Variants in TCP10L observed in about 807,000 individuals in gnomAD.
TCP10L encodes the protein t-complex 10 like, also known as T-complex protein 10A homolog 1.
In TCP10L, 11 loss-of-function variants were observed where a neutral mutation model predicts 19.2. The observed-to-expected ratio is 0.57, with a 90% CI of 0.36 to 0.95. The LOEUF (loss-of-function observed/expected upper bound fraction) is 0.95, where lower values mean the gene tolerates loss of function less well. TCP10L is among the 40% of genes least tolerant of loss of function. TCP10L has a pLI of 0.01. For synonymous variants in TCP10L, 96 were observed against 97.2 expected (o/e 0.99, Z 0.07); for missense variants, 247 against 263.9 (o/e 0.94, Z 0.44).
At chr21:32,579,771 T>C (rs980635185) in intron 3 of TCP10L, among the ~76,000 whole-genome samples, 2 of 152,196 alleles carry the variant, frequency 1.3e-5, no homozygotes, top group Admixed American at 6.5e-5. Flanking sequence ...GTAGATACTA[T>C]TTTTTAGGAA....
At position 32,582,197 on chromosome 21, in the gene TCP10L, T is replaced by A. The variant is rs752308612; in HGVS notation, c.360+3A>T. 2 of 1,613,768 alleles carry A rather than the reference T, an allele frequency of 1.2e-6. No homozygotes were observed. Among genetic ancestry groups the A allele is most frequent in the Non-Finnish European group, 1.7e-6 (2 of 1,179,928 alleles). On this transcript the variant is annotated splice_donor_region_variant and intron_variant, in intron 3 of 4. Transcript: ENST00000300258. This position sits in a 1 kb window ranked among gnomAD's most constrained non-coding sequence, Gnocchi z 4.2. ...TACAAAAACATAAATGCGCTTTTGGTACCAGAGTGTGCGATTCTTGCCCCG... is the reference window on the plus strand; with the variant it reads ...TACAAAAACATAAATGCGCTTTTGGAACCAGAGTGTGCGATTCTTGCCCCG...
intron 1 of TCP10L, among the ~76,000 whole-genome samples, chr21:32,585,201 G>A (rs1369173978): frequency 6.6e-6 from 1 of 152,198 alleles, no homozygotes; most frequent in Non-Finnish European, 1.5e-5. Flanking sequence ...TCTAGAGCAA[G>A]ACCTACCAGT....
Position 32,578,449 on chromosome 21 carries a change from C to T in TCP10L, c.498+245G>A, listed in dbSNP as rs1396719023. Among the ~76,000 whole-genome samples the T allele has an allele frequency of 2.0e-5, 3 of 152,250 alleles. No individual in the cohort carries two copies. The highest frequency in any genetic ancestry group is 4.8e-5 in the African/African-American group (2 of 41,466). ...CCCCTCGGCCCCAGCCAGACGCTTG[C>T]TGCTGTGAGTGTACTCAGAGGGAAG... On this transcript the variant is annotated intron_variant, in intron 4 of 4. Transcript: ENST00000300258. The surrounding 1 kb of genome is among the most constrained non-coding windows in gnomAD (Gnocchi z 4.2).
Position 32,576,803 on chromosome 21 carries a change from GAGT to G in TCP10L, c.616_618del (p.Thr206del). 6.2e-7 allele frequency: 1 copy of G among 1,614,080 alleles called. No individual in the cohort carries two copies. Among genetic ancestry groups the G allele is most frequent in the South Asian group, 1.1e-5 (1 of 91,022 alleles). On this transcript the variant is annotated inframe_deletion, in exon 5 of 5. Coordinates refer to ENST00000300258, the MANE Select transcript of TCP10L (RefSeq NM_144659.7). ...ACACCCCCCCGTCTCTCTGCACAGG[GAGT>G]TGGCCTTCCAGTAGGTGTTGCTCTT... is the stretch of plus-strand genomic sequence containing the variant.
rs1601120320 is a variant in TCP10L, at chr21:32,576,470, T to G, written c.*304A>C. 3.1e-6 allele frequency: 2 copies of G among 641,770 alleles called. No individual in the cohort carries two copies. The highest frequency in any genetic ancestry group is 4.4e-5 in the South Asian group (2 of 45,496). The allele number at this position is 641,770 out of a possible 1,614,324, so 39.8% of individuals were successfully genotyped here. On this transcript the variant is annotated 3_prime_UTR_variant, in exon 5 of 5. Transcript: ENST00000300258. The stretch of plus-strand genomic sequence containing the variant: ...CAGGGCTCACCCAACAGCCCGACAC[T>G]CCATACTACAAGGTGGGTTAATTTT...
In TCP10L at chr21:32,582,088, C is replaced by T; in HGVS notation, c.360+112G>A. The T allele has an allele frequency of 8.1e-7, 1 of 1,240,404 alleles. No individual in the cohort carries two copies. The highest frequency in any genetic ancestry group is 1.4e-5 in the South Asian group (1 of 69,818). The allele number at this position is 1,240,404 out of a possible 1,614,324, so 76.8% of individuals were successfully genotyped here. The stretch of plus-strand genomic sequence containing the variant: ...ATGGAAAGATAGCAACCCCTCCCAC[C>T]ACCCGGAGCGTGAGTGATACCGCGT... On this transcript the variant is annotated intron_variant, in intron 3 of 4. Coordinates refer to ENST00000300258, the MANE Select transcript of TCP10L (RefSeq NM_144659.7). This position sits in a 1 kb window ranked among gnomAD's most constrained non-coding sequence, Gnocchi z 4.2.
At chr21:32,584,408 C>G in intron 1 of TCP10L, 103 bp from the exon 2 acceptor site, 1 of 1,444,546 alleles carries the variant, frequency 6.9e-7, no homozygotes, top group East Asian at 2.5e-5. Flanking sequence ...GAGCAGGACC[C>G]GCAGCCGCTC....
chr21:32,584,339 G>A (rs1229422713), intron 1 of TCP10L, 34 bp from the exon 2 acceptor site: 1 of 1,600,878 alleles, frequency 6.2e-7, no homozygotes, highest in East Asian at 2.2e-5. Flanking sequence ...GGGGACACTT[G>A]AATGCAGCCC....
At chr21:32,584,607 T>A (rs1340700826) in intron 1 of TCP10L, among the ~76,000 whole-genome samples, 1 of 151,732 alleles carries the variant, frequency 6.6e-6, no homozygotes, top group Non-Finnish European at 1.5e-5. Context: ...GTGAGTGGGG[T>A]GTGAGCCGGT....
chr21:32,576,786 C>G lies in TCP10L; in HGVS notation c.636G>C (p.Arg212=). ...CACCTTTCCATCTTCAGACACCCCC[C>G]CGTCTCTCTGCACAGGGAGTTGGCC... is the stretch of plus-strand genomic sequence containing the variant. ...TGRPTPCAER[R]GGV The change falls in exon 5 of 5, where the codon CGG becomes CGC. Residue 212 remains arginine (R), a synonymous_variant. Transcript: ENST00000300258. 6.2e-7 allele frequency: 1 copy of G among 1,613,542 alleles called. No individual in the cohort carries two copies.
Position 32,576,116 on chromosome 21 carries a change from T to C in TCP10L, c.*658A>G. The C allele has an allele frequency of 4.1e-6, 3 of 723,610 alleles. No individual in the cohort carries two copies. In the South Asian group the frequency reaches 6.5e-5, roughly 16 times the overall value. The allele number at this position is 723,610 out of a possible 1,614,324, so 44.8% of individuals were successfully genotyped here. A position where few individuals can be genotyped will look rare whatever the true frequency, so the allele number is the denominator to read the frequency against. ...ATTAGGCAGCTCCAGGAAGGACATG[T>C]CCTTGCCATAGTAAGATGTTCTGCT... On this transcript the variant is annotated 3_prime_UTR_variant, in exon 5 of 5. Coordinates refer to ENST00000300258, the MANE Select transcript of TCP10L (RefSeq NM_144659.7).
intron 3 of TCP10L, among the ~76,000 whole-genome samples, chr21:32,580,476 C>CG (rs373124147): frequency 7.3e-6 from 1 of 137,236 alleles, no homozygotes; most frequent in East Asian, 2.2e-4. Flanking sequence ...CGGTGGGTGC[C>CG]TGTGTGTGTG....
chr21:32,576,454 C>T lies in TCP10L; in HGVS notation c.*320G>A, dbSNP rs1051042430. On this transcript the variant is annotated 3_prime_UTR_variant, in exon 5 of 5. Coordinates refer to ENST00000300258, the MANE Select transcript of TCP10L (RefSeq NM_144659.7). ...ATTTCCAGCAAGACCCCAGGGCTCA[C>T]CCAACAGCCCGACACTCCATACTAC... 191 of 685,000 alleles carry T rather than the reference C, an allele frequency of 2.8e-4. No homozygotes were observed. The highest frequency in any genetic ancestry group is 2.1e-4 in the Non-Finnish European group (86 of 416,764). 42.4% of individuals were successfully genotyped at this position (685,000 alleles called of 1,614,324 possible). A position where few individuals can be genotyped will look rare whatever the true frequency, so the allele number is the denominator to read the frequency against.
chr21:32,582,294 A>C lies in TCP10L; in HGVS notation c.266T>G (p.Leu89Arg). The C allele has an allele frequency of 6.2e-7, 1 of 1,614,042 alleles. No individual in the cohort carries two copies. The highest frequency in any genetic ancestry group is 8.5e-7 in the Non-Finnish European group (1 of 1,180,014). The change falls in exon 3 of 5, where the codon CTC becomes CGC. Residue 89 changes from leucine to arginine, a missense_variant. Coordinates refer to ENST00000300258, the MANE Select transcript of TCP10L (RefSeq NM_144659.7). The surrounding 1 kb of genome is among the most constrained non-coding windows in gnomAD (Gnocchi z 4.2). Reference sequence around the variant, plus strand: ...CTGCAGAGCTCTCAGCTTTTCTCGGAGCTCCATGTTCTGCTCCCTCAAAGC... The same window carrying C: ...CTGCAGAGCTCTCAGCTTTTCTCGGCGCTCCATGTTCTGCTCCCTCAAAGC... The part of the protein sequence containing the change: ...IDALREQNME[L>R]REKLRALQLQ...
intron 3 of TCP10L, among the ~76,000 whole-genome samples, chr21:32,579,143 T>G (rs1360418331): frequency 6.6e-6 from 1 of 152,226 alleles, no homozygotes; most frequent in East Asian, 1.9e-4. Flanking sequence ...CTCCTGTGTC[T>G]TCAACCGGGA....
Position 32,576,400 on chromosome 21 carries a change from G to T in TCP10L, c.*374C>A. On this transcript the variant is annotated 3_prime_UTR_variant, in exon 5 of 5. Transcript: ENST00000300258. ...GCAATGCCTTGAGCCCAAAGGCTGG[G>T]AGCACAAAGCCATCTTCAGCCATCC... The T allele has an allele frequency of 9.9e-7, 1 of 1,009,432 alleles. No individual in the cohort carries two copies. The highest frequency in any genetic ancestry group is 1.4e-6 in the Non-Finnish European group (1 of 695,506). The allele number at this position is 1,009,432 out of a possible 1,614,324, so 62.5% of individuals were successfully genotyped here. A position where few individuals can be genotyped will look rare whatever the true frequency, so the allele number is the denominator to read the frequency against.
rs1185820046 is a variant in TCP10L, at chr21:32,584,279, C to G, written c.26G>C (p.Arg9Thr). The G allele has an allele frequency of 6.2e-7, 1 of 1,613,814 alleles. No homozygotes were observed. The highest frequency in any genetic ancestry group is 1.3e-5 in the African/African-American group (1 of 74,914). MLAGQLEA[R>T]DPKEGTHPED... is the part of the protein sequence containing the mutation. ...TGGGTGGGTGCCCTCTTTGGGGTCC[C>G]TGGCCTCGAGTTGACCTGCCAGCAT... The change falls in exon 2 of 5, where the codon AGG becomes ACG. Residue 9 changes from arginine (R) to threonine (T), a missense_variant. By Grantham distance (71) the Arg-to-Thr change is moderately conservative. Transcript: ENST00000300258.
At chr21:32,581,394 C>T (rs1356905193) in intron 3 of TCP10L, among the ~76,000 whole-genome samples, 3 of 152,170 alleles carry the variant, frequency 2.0e-5, no homozygotes, top group Non-Finnish European at 4.4e-5. Context: ...AAGGCAAGAA[C>T]CCAGGATACA....
chr21:32,582,319 C>G lies in TCP10L; in HGVS notation c.241G>C (p.Ala81Pro), dbSNP rs778650583. 1.9e-6 allele frequency: 3 copies of G among 1,614,142 alleles called. No homozygotes were observed. Among genetic ancestry groups the G allele is most frequent in the Admixed American group, 3.3e-5 (2 of 60,010 alleles). ...VHGKLRSHID[A>P]LREQNMELRE... is the part of the protein sequence containing the mutation. ...AGCTCCATGTTCTGCTCCCTCAAAG[C>G]ATCTATATGACTCCGGAGTTTTCCA... The change falls in exon 3 of 5, where the codon GCT becomes CCT. Residue 81 changes from alanine (A) to proline (P), a missense_variant. Transcript: ENST00000300258. This position sits in a 1 kb window ranked among gnomAD's most constrained non-coding sequence, Gnocchi z 4.2.
Sources: gnomAD v4.1 joint callset for allele counts (sites outside exome capture counted in the v4.1 genomes callset) on GRCh38, gnomAD v4.1.1 for gene constraint, Gnocchi (gnomAD v3.1) non-coding constraint, MANE v1.5 for transcripts, NCBI Gene and HGNC (gene_info 2026-07-23, HGNC 2026-07-21) for gene names.